Variants in DRC1 observed in about 807,000 individuals in gnomAD.
The protein encoded by DRC1 is dynein regulatory complex protein 1.
In DRC1, 74 loss-of-function variants were observed where a neutral mutation model predicts 98.7. The ratio of observed to expected loss-of-function variants is 0.75; its 90% CI spans 0.62 to 0.91. The LOEUF is 0.91. DRC1 is among the 40% of genes least tolerant of loss of function. The probability of loss-of-function intolerance (pLI) is 0.00; values close to 1 mark genes in which losing one functional copy is unlikely to be tolerated. For missense variants in DRC1, 875 were observed against 886.0 expected (o/e 0.99, Z 0.16); for synonymous variants, 336 against 334.1 (o/e 1.01, Z -0.06).
chr2:26,416,957 A>C (rs1032779578), intron 2 of DRC1, among the ~76,000 whole-genome samples: 3 of 152,188 alleles, frequency 2.0e-5, no homozygotes, highest in Non-Finnish European at 4.4e-5. Context: ...GGAAGCAGGC[A>C]TCTCACATGG....
chr2:26,402,258 T>C, intron 1 of DRC1, 114 bp downstream of exon 1: 2 of 1,414,860 alleles, frequency 1.4e-6, no homozygotes, highest in Non-Finnish European at 1.8e-6. Context: ...TATGGGAAAG[T>C]AAAACGCTGG....
chr2:26,442,211 G>C (rs1046310661), intron 8 of DRC1, among the ~76,000 whole-genome samples: 1 of 152,176 alleles, frequency 6.6e-6, no homozygotes. Context: ...GAGGCCTTAT[G>C]GCCTCATTAC....
chr2:26,455,096 T>A lies in DRC1; in HGVS notation c.2064-35T>A, dbSNP rs552206252. 103 of 1,610,414 alleles carry A rather than the reference T, an allele frequency of 6.4e-5. No individual in the cohort carries two copies. In the South Asian group the frequency reaches 1.1e-3, roughly 17 times the overall value. ...CCCCTACTTGGCAGAGGATGGAGGA[T>A]TCAGTGAGCCTCTAACCGATTTTTC... On this transcript the variant is annotated intron_variant, in intron 15 of 16. Transcript: ENST00000288710.
chr2:26,404,493 C>G (rs1255983645), intron 1 of DRC1, among the ~76,000 whole-genome samples: 1 of 152,186 alleles, frequency 6.6e-6, no homozygotes, highest in Non-Finnish European at 1.5e-5. Context: ...GGAGTGCTAC[C>G]TGTGGAGCTT....
At chr2:26,438,271 C>G (rs1663626570) in intron 7 of DRC1, among the ~76,000 whole-genome samples, 1 of 151,944 alleles carries the variant, frequency 6.6e-6, no homozygotes, top group South Asian at 2.1e-4. Context: ...ACAGAAGTTG[C>G]CTTTGGGGGT....
chr2:26,431,177 A>G (rs1346626942), intron 6 of DRC1, among the ~76,000 whole-genome samples: 1 of 152,058 alleles, frequency 6.6e-6, no homozygotes, highest in East Asian at 1.9e-4. Context: ...GATGGTCTCG[A>G]TCTCCTGACC....
At chr2:26,430,947 C>G (rs114396378) in intron 6 of DRC1, 75 bp downstream of exon 6, 2 of 1,009,476 alleles carry the variant, frequency 2.0e-6, no homozygotes, top group East Asian at 2.7e-5. Flanking sequence ...TGCTAGCTAG[C>G]CTTTTTCTAT....
chr2:26,448,648 A>T, intron 10 of DRC1, 43 bp from the exon 11 acceptor site: 1 of 1,595,666 alleles, frequency 6.3e-7, no homozygotes, highest in Non-Finnish European at 8.6e-7. Flanking sequence ...TCCAGAAATT[A>T]TCTTCTTTTT....
Position 26,456,677 on chromosome 2 carries a change from G to A in DRC1, c.*160G>A. ...AAATAAGGAGCCAGAGGAGTTACCT[G>A]TGTCCTGCATTATGATTAAAGCCTT... On this transcript the variant is annotated 3_prime_UTR_variant, in exon 17 of 17. Transcript: ENST00000288710. 5 of 752,658 alleles carry A rather than the reference G, an allele frequency of 6.6e-6. No homozygotes were observed. The highest frequency in any genetic ancestry group is 6.5e-6 in the Non-Finnish European group (3 of 459,992). The allele number at this position is 752,658 out of a possible 1,614,324, so 46.6% of individuals were successfully genotyped here.
chr2:26,420,008 A>G (rs1038736499), intron 2 of DRC1, among the ~76,000 whole-genome samples: 2 of 152,154 alleles, frequency 1.3e-5, no homozygotes, highest in African/African-American at 2.4e-5. Flanking sequence ...TCTCTGTCTC[A>G]ACAGTTCCGA....
In DRC1 at chr2:26,439,922, A is replaced by AATATATAT. The variant is rs60317791; in HGVS notation, c.889-448_889-441dup. On this transcript the variant is annotated intron_variant, in intron 7 of 16. Coordinates refer to ENST00000288710, the MANE Select transcript of DRC1 (RefSeq NM_145038.5). Reference sequence around the variant, plus strand: ...ACAAGCTAGGGCCAACTAGTGTGTGAATATATATATATATACACACACACA... The same window carrying AATATATAT: ...ACAAGCTAGGGCCAACTAGTGTGTGAATATATATATATATATATATATACACACACACA... 5.7e-3 allele frequency among the ~76,000 whole-genome samples: 246 copies of AATATATAT among 43,446 alleles called. 24 individuals are homozygous for AATATATAT. The highest frequency in any genetic ancestry group is 0.016 in the African/African-American group (205 of 13,114). The allele number at this position is 43,446 out of a possible 152,430, so 28.5% of individuals were successfully genotyped here.
intron 13 of DRC1, among the ~76,000 whole-genome samples, chr2:26,451,698 G>GA (rs984279051): frequency 6.7e-6 from 1 of 149,510 alleles, no homozygotes; most frequent in African/African-American, 2.5e-5. Flanking sequence ...GTCTCTAAGG[G>GA]AAAAAAAAGA....
chr2:26,427,604 A>C (rs1331493619), intron 4 of DRC1, among the ~76,000 whole-genome samples: 1 of 152,110 alleles, frequency 6.6e-6, no homozygotes, highest in African/African-American at 2.4e-5. Context: ...TAGTTATTTT[A>C]AAATGTACAA....
rs1678268775 is a variant in DRC1 at position 26,402,197 on chromosome 2, G to T, written c.155+53G>T. The T allele has an allele frequency of 4.0e-6, 6 of 1,503,630 alleles. No individual in the cohort carries two copies. The East Asian group carries it at 1.4e-4, about 36-fold the overall frequency. 93.1% of individuals were successfully genotyped at this position (1,503,630 alleles called of 1,614,324 possible). ...TCCGCGCCGCAGGAGCCGGAGAAGG[G>T]CTGGTTTCCTGATGAAATAGAAACA... On this transcript the variant is annotated intron_variant, in intron 1 of 16. Coordinates refer to ENST00000288710, the MANE Select transcript of DRC1 (RefSeq NM_145038.5).
chr2:26,423,293 G>A (rs1663197404), intron 3 of DRC1, among the ~76,000 whole-genome samples: 1 of 149,580 alleles, frequency 6.7e-6, no homozygotes, highest in Non-Finnish European at 1.5e-5. Flanking sequence ...AAATAAAAAA[G>A]TCAATTAAAT....
In DRC1 at chr2:26,411,956, G is replaced by A. The variant is rs997209420; in HGVS notation, c.156-2388G>A. ...TTGGTGGTCAAAGTAGAAAGTCAAG[G>A]GAATTTTTTGAGTGGTGATGGGAAC... On this transcript the variant is annotated intron_variant, in intron 1 of 16. Coordinates refer to ENST00000288710, the MANE Select transcript of DRC1 (RefSeq NM_145038.5). Among the ~76,000 whole-genome samples, 3 of 152,074 alleles carry A rather than the reference G, an allele frequency of 2.0e-5. No homozygotes were observed. The East Asian group carries it at 5.8e-4, about 29-fold the overall frequency.
At chr2:26,422,180 G>C (rs773991000) in intron 3 of DRC1, among the ~76,000 whole-genome samples, 8 of 152,152 alleles carry the variant, frequency 5.3e-5, no homozygotes, top group Non-Finnish European at 1.0e-4. Flanking sequence ...GGGAACACTT[G>C]AGCAGAGGTG....
chr2:26,429,830 G>A (rs1663387774), intron 5 of DRC1, 65 bp downstream of exon 5: 12 of 1,551,958 alleles, frequency 7.7e-6, no homozygotes, highest in Non-Finnish European at 9.6e-6. Context: ...GTCTAGGTCT[G>A]TCCTAATAAT....
rs369401065 is a variant in DRC1 at position 26,403,909 on chromosome 2, G to GA, written c.155+1766dup. Reference sequence around the variant, plus strand: ...GAGGTCAGGAGTTTGAGACCAGCCTGACCGACATGGTGAAACCCTGTCTCT... The same window carrying GA: ...GAGGTCAGGAGTTTGAGACCAGCCTGAACCGACATGGTGAAACCCTGTCTCT... On this transcript the variant is annotated intron_variant, in intron 1 of 16. Coordinates refer to ENST00000288710, the MANE Select transcript of DRC1 (RefSeq NM_145038.5). 5.9e-4 allele frequency among the ~76,000 whole-genome samples: 89 copies of GA among 151,996 alleles called. 1 individual carries two copies. Among genetic ancestry groups the GA allele is most frequent in the African/African-American group, 2.0e-3 (84 of 41,462 alleles).
Sources: allele counts gnomAD v4.1 joint callset (sites outside exome capture counted in the v4.1 genomes callset), GRCh38; gene constraint gnomAD v4.1.1; transcripts MANE v1.5; gene names NCBI Gene and HGNC (gene_info 2026-07-23, HGNC 2026-07-21).